The following DCUN1D4 variants were observed in gnomAD, a reference collection of about 807,000 sequenced individuals.
The protein encoded by DCUN1D4 is DCN1-like protein 4.
In DCUN1D4, 22 loss-of-function variants were observed where a neutral mutation model predicts 47.9. That is an observed-to-expected ratio of 0.46 (90% CI 0.33 to 0.66). The LOEUF (loss-of-function observed/expected upper bound fraction) is 0.66. Ranked by LOEUF, DCUN1D4 falls within the 30% of genes least tolerant of loss-of-function variation. The pLI, the probability that DCUN1D4 is intolerant of heterozygous loss-of-function variation, is 0.02. For synonymous variants in DCUN1D4, 121 were observed against 112.2 expected, an observed-to-expected ratio of 1.08 and a Z score of -0.50; for missense variants, 301 against 340.8, an observed-to-expected ratio of 0.88 and a Z score of 0.92.
intron 1 of DCUN1D4, among the ~76,000 whole-genome samples, chr4:51,844,654 C>T (rs1382836547): frequency 2.6e-5 from 4 of 151,494 alleles, no homozygotes; most frequent in African/African-American, 7.3e-5. Context: ...GGGCCCTAGG[C>T]CGCGCCCCAC....
intron 1 of DCUN1D4, chr4:51,844,411 C>A: frequency 2.0e-6 from 2 of 982,238 alleles, no homozygotes; most frequent in South Asian, 4.7e-5. Flanking sequence ...TCAGCGCTGG[C>A]GCGGGCTCCG....
chr4:51,845,514 C>G (rs1404158224), intron 1 of DCUN1D4, among the ~76,000 whole-genome samples: 1 of 152,190 alleles, frequency 6.6e-6, no homozygotes, highest in South Asian at 2.1e-4. Flanking sequence ...GCAATTCCTT[C>G]TCTCCTTAAT....
chr4:51,867,295 G>A lies in DCUN1D4; in HGVS notation c.136+3586G>A, dbSNP rs1458378080. ...CAGCCCTGGCTCAAGGAGCCCATAG[G>A]TCTAGGCTCCTCAAAGGGCTGCAGC... On this transcript the variant is annotated intron_variant, in intron 3 of 10. Coordinates refer to ENST00000334635, the MANE Select transcript of DCUN1D4 (RefSeq NM_001040402.3). Among the ~76,000 whole-genome samples, 3 of 152,330 alleles carry A rather than the reference G, an allele frequency of 2.0e-5. No individual in the cohort carries two copies. In the East Asian group the frequency reaches 5.8e-4, roughly 29 times the overall value.
chr4:51,912,403 C>G (rs1733840146), intron 9 of DCUN1D4, among the ~76,000 whole-genome samples: 1 of 152,154 alleles, frequency 6.6e-6, no homozygotes, highest in African/African-American at 2.4e-5. Context: ...GCTTTGTTCT[C>G]TCTCTTACAT....
chr4:51,897,441 T>C (rs1731437151), intron 7 of DCUN1D4, among the ~76,000 whole-genome samples: 1 of 152,226 alleles, frequency 6.6e-6, no homozygotes, highest in Non-Finnish European at 1.5e-5. Flanking sequence ...GTGTATGTAT[T>C]ATCTGTACTT....
the DCUN1D4 span, among the ~76,000 whole-genome samples, chr4:51,834,099 C>CTTTTTTTTTTTTTTTTTTTT: frequency 4.9e-5 from 2 of 40,822 alleles, no homozygotes; most frequent in Non-Finnish European, 8.1e-5. Context: ...TTCTTTTCTT[C>CTTTTTTTTTTTTTTTTTTTT]TTTCTTTTTT....
At position 51,843,203 on chromosome 4, in the gene DCUN1D4, C is replaced by G. The variant is rs1317514130; in HGVS notation, c.-40C>G. 6.5e-7 allele frequency: 1 copy of G among 1,537,444 alleles called. No homozygotes were observed. The highest frequency in any genetic ancestry group is 8.8e-7 in the Non-Finnish European group (1 of 1,142,390). On this transcript the variant is annotated 5_prime_UTR_variant, in exon 1 of 11. Transcript: ENST00000334635. ...TGGTGGGGGGACCGCGAGGCGAGCG[C>G]GGGAGCCTGGGCGGCGAGCCGGGTG...
chr4:51,838,900 C>A (rs1384096379), upstream of DCUN1D4, among the ~76,000 whole-genome samples: 1 of 152,058 alleles, frequency 6.6e-6, no homozygotes, highest in Non-Finnish European at 1.5e-5. Context: ...CATGGCAAAA[C>A]CCCGTCTCTA....
intron 1 of DCUN1D4, among the ~76,000 whole-genome samples, chr4:51,848,580 C>G (rs1376263753): frequency 1.3e-5 from 2 of 152,110 alleles, no homozygotes; most frequent in African/African-American, 4.8e-5. Context: ...GGTATTAATT[C>G]TTCTCATAGC....
intron 7 of DCUN1D4, among the ~76,000 whole-genome samples, chr4:51,897,225 A>G (rs903064451): frequency 1.3e-5 from 2 of 152,198 alleles, no homozygotes; most frequent in African/African-American, 2.4e-5. Flanking sequence ...GGCTTTCTAA[A>G]TTGTTCTGTT....
chr4:51,847,607 C>T (rs1722751575), intron 1 of DCUN1D4, among the ~76,000 whole-genome samples: 1 of 151,812 alleles, frequency 6.6e-6, no homozygotes, highest in South Asian at 2.1e-4. Flanking sequence ...ACCAGCAATA[C>T]ATTTTTCTTT....
intron 8 of DCUN1D4, among the ~76,000 whole-genome samples, chr4:51,904,484 A>G (rs1467960496): frequency 6.6e-6 from 1 of 152,164 alleles, no homozygotes; most frequent in Non-Finnish European, 1.5e-5. Context: ...TGCATAAATT[A>G]TAGTTATCTT....
chr4:51,834,060 C>T, the DCUN1D4 span, among the ~76,000 whole-genome samples: 2 of 136,376 alleles, frequency 1.5e-5, no homozygotes, highest in Admixed American at 7.3e-5. Flanking sequence ...CTCTCTCTCT[C>T]TCTCTCTCTC....
intron 1 of DCUN1D4, among the ~76,000 whole-genome samples, chr4:51,859,781 T>A (rs554227490): frequency 1.1e-4 from 17 of 152,286 alleles, no homozygotes; most frequent in African/African-American, 4.1e-4. Flanking sequence ...GATTGCTGGT[T>A]TTAATACAGA....
At chr4:51,837,922 A>G in the DCUN1D4 span, among the ~76,000 whole-genome samples, 65 of 152,304 alleles carry the variant, frequency 4.3e-4, no homozygotes, top group Middle Eastern at 3.4e-3. Flanking sequence ...CATACCTGCA[A>G]TCCCAGCACT....
rs906707809 is a variant in DCUN1D4, at chr4:51,891,813, T to C, written c.468T>C (p.Phe156=). 1 of 1,613,578 alleles carries C rather than the reference T, an allele frequency of 6.2e-7. No individual in the cohort carries two copies. The highest frequency in any genetic ancestry group is 2.2e-5 in the East Asian group (1 of 44,832). The part of the protein sequence containing the change: ...WKLDAQNMGY[F]TLQEWLKGMT... ...TGGATGCACAAAACATGGGTTATTT[T>C]ACTCTACAGGAGTGGTTAAAAGGAA... is the stretch of plus-strand genomic sequence containing the variant. Residue 156 remains phenylalanine, a synonymous_variant, in exon 7 of 11, where the codon TTT becomes TTC. Transcript: ENST00000334635.
At chr4:51,856,678 C>G (rs920261508) in intron 1 of DCUN1D4, among the ~76,000 whole-genome samples, 10 of 152,216 alleles carry the variant, frequency 6.6e-5, no homozygotes, top group Non-Finnish European at 1.5e-4. Context: ...TGACTCCGCT[C>G]AAGCTAATAA....
chr4:51,877,513 T>C, intron 4 of DCUN1D4: 1 of 293,016 alleles, frequency 3.4e-6, no homozygotes, highest in Non-Finnish European at 6.4e-6. Context: ...TTCTGTTCAG[T>C]TCTTACTGAT....
intron 4 of DCUN1D4, among the ~76,000 whole-genome samples, chr4:51,876,341 C>G (rs1477887902): frequency 6.8e-6 from 1 of 147,744 alleles, no homozygotes; most frequent in Non-Finnish European, 1.5e-5. Flanking sequence ...ACCGCATGTT[C>G]TCACTCATAG....
Sources: gnomAD v4.1 joint callset for allele counts (sites outside exome capture counted in the v4.1 genomes callset) on GRCh38, gnomAD v4.1.1 for gene constraint, MANE v1.5 for transcripts, NCBI Gene and HGNC (gene_info 2026-07-23, HGNC 2026-07-21) for gene names.